HOXC4: variants seen among roughly 807,000 people sequenced by gnomAD.
HOXC4 encodes homeobox C4.
HOXC4 carries 15 observed loss-of-function variants against 25.5 expected under a neutral mutation model. That is an observed-to-expected ratio of 0.59 (90% CI 0.39 to 0.91). The LOEUF (loss-of-function observed/expected upper bound fraction) is 0.91, where lower values mean the gene tolerates loss of function less well. Ranked by LOEUF, HOXC4 falls within the 40% of genes least tolerant of loss-of-function variation. HOXC4 has a pLI of 0.00. For synonymous variants in HOXC4, 165 were observed against 148.0 expected, an observed-to-expected ratio of 1.11 and a Z score of -0.83; for missense variants, 342 against 352.4, an observed-to-expected ratio of 0.97 and a Z score of 0.24.
chr12:54,022,161 C>G (rs1399336120), intron 1 of HOXC4: 1 of 152,140 alleles, frequency 6.6e-6, no homozygotes, highest in Non-Finnish European at 1.5e-5. Flanking sequence ...AGCCCACCCC[C>G]ATCAACCCAG....
upstream of HOXC4, among the ~76,000 whole-genome samples, chr12:54,049,697 C>T (rs547370965): frequency 6.0e-5 from 9 of 149,938 alleles, no homozygotes; most frequent in Non-Finnish European, 1.3e-4. Flanking sequence ...TTTGCATATT[C>T]TTTTGCATAC....
intron 1 of HOXC4, among the ~76,000 whole-genome samples, chr12:54,027,384 A>C (rs1221094522): frequency 6.6e-6 from 1 of 152,166 alleles, no homozygotes; most frequent in Non-Finnish European, 1.5e-5. Flanking sequence ...TGACCAAGGC[A>C]GGGGCTTGAG....
intron 1 of HOXC4, among the ~76,000 whole-genome samples, chr12:54,041,053 A>G (rs996186163): frequency 2.0e-5 from 3 of 152,240 alleles, no homozygotes; most frequent in African/African-American, 7.2e-5. Flanking sequence ...ACAGGATATA[A>G]TAATAGTAAT....
At chr12:54,043,657 C>A (rs1043518166) in intron 1 of HOXC4, among the ~76,000 whole-genome samples, 1 of 139,102 alleles carries the variant, frequency 7.2e-6, no homozygotes, top group Non-Finnish European at 1.6e-5. Context: ...AAAACTCAAA[C>A]GCTAGAGCTG....
upstream of HOXC4, chr12:54,053,520 G>A (rs568252913): frequency 8.0e-4 from 153 of 190,396 alleles, no homozygotes; most frequent in African/African-American, 3.5e-3. Flanking sequence ...GGGCCCAGCA[G>A]AGGCCTGAGG....
upstream of HOXC4, among the ~76,000 whole-genome samples, chr12:54,049,746 A>T (rs1043650238): frequency 6.2e-5 from 4 of 64,524 alleles, no homozygotes; most frequent in African/African-American, 2.6e-4. Context: ...GGACAAACAC[A>T]TACACACACA....
At chr12:54,028,575 G>A in intron 1 of HOXC4, 1 of 1,614,038 alleles carries the variant, frequency 6.2e-7, no homozygotes, top group East Asian at 2.2e-5. Context: ...CCGGGGGCCA[G>A]GACGTCCTCC....
At position 54,023,080 on chromosome 12, in the gene HOXC4, C is replaced by G. The variant is rs140525985; in HGVS notation, c.-124+5666C>G. 8.8e-3 allele frequency among the ~76,000 whole-genome samples: 1,341 copies of G among 152,304 alleles called. 26 individuals carry two copies. Among genetic ancestry groups the G allele is most frequent in the African/African-American group, 0.03 (1,254 of 41,562 alleles). On this transcript the variant is annotated intron_variant, in intron 1 of 3. Coordinates refer to the HOXC4 transcript ENST00000303406. ...TCAAGTGTCCCTAGGCATCTAAGCT[C>G]TCTCCCCATTCCCAGATCACAGAGA... is the stretch of plus-strand genomic sequence containing the variant.
rs11362454 is a variant in HOXC4, at chr12:54,055,747, T to TG, written c.*551dup. 271 of 149,548 alleles carry TG rather than the reference T, an allele frequency of 1.8e-3. 2 individuals are homozygous for TG. Among genetic ancestry groups the TG allele is most frequent in the South Asian group, 0.014 (65 of 4,650 alleles). 9.3% of individuals were successfully genotyped at this position (149,548 alleles called of 1,614,324 possible). A position where few individuals can be genotyped will look rare whatever the true frequency, so the allele number is the denominator to read the frequency against. ...CTATGAAGTTCTTTTGTATTATTGT[T>TG]GGGGGGGGGTGTGGGAGGAGAGGGG... On this transcript the variant is annotated 3_prime_UTR_variant, in exon 2 of 2. Transcript: ENST00000430889.
intron 1 of HOXC4, chr12:54,035,199 T>A (rs1040723953): frequency 2.0e-5 from 3 of 153,334 alleles, no homozygotes; most frequent in African/African-American, 7.2e-5. Flanking sequence ...TTCCTGGCAC[T>A]GGACCCCAGC....
Position 54,055,310 on chromosome 12 carries a change from A to ATATG in HOXC4, c.*107_*108insTGTA. The ATATG allele has an allele frequency of 3.7e-6, 1 of 271,468 alleles. No individual in the cohort carries two copies. Among genetic ancestry groups the ATATG allele is most frequent in the South Asian group, 1.8e-4 (1 of 5,606 alleles). 16.8% of individuals were successfully genotyped at this position (271,468 alleles called of 1,614,324 possible). ...AATATATATATATATATATATATAT[A>ATATG]TAGGTTCTTTTCTCTCTTCCTCTCA... On this transcript the variant is annotated 3_prime_UTR_variant, in exon 2 of 2. Transcript: ENST00000430889.
chr12:54,027,106 T>C (rs1361065098), intron 1 of HOXC4, among the ~76,000 whole-genome samples: 1 of 152,240 alleles, frequency 6.6e-6, no homozygotes, highest in African/African-American at 2.4e-5. Context: ...CTGCACACTT[T>C]CCGCTGTTTC....
intron 1 of HOXC4, chr12:54,021,333 G>C (rs1022914476): frequency 1.3e-5 from 2 of 152,302 alleles, no homozygotes; most frequent in Admixed American, 1.3e-4. Flanking sequence ...TCTGAGCCAG[G>C]ACAAGACCTG....
Position 54,054,324 on chromosome 12 carries a change from A to T in HOXC4, c.402A>T (p.Ile134=). The change falls in exon 1 of 2, where the codon ATA becomes ATT. Residue 134 remains isoleucine, a synonymous_variant. Transcript: ENST00000430889. The part of the protein sequence containing the change: ...HPSSAASKQP[I]VYPWMKKIHV... ...CCAGCGCCGCCAGCAAGCAACCCAT[A>T]GTCTACCCATGGATGAAAAAAATTC... 4 of 1,597,704 alleles carry T rather than the reference A, an allele frequency of 2.5e-6. No individual in the cohort carries two copies. Among genetic ancestry groups the T allele is most frequent in the Non-Finnish European group, 3.4e-6 (4 of 1,173,192 alleles).
intron 1 of HOXC4, chr12:54,021,771 G>GCGC (rs1233889894): frequency 2.0e-5 from 3 of 152,356 alleles, no homozygotes; most frequent in Admixed American, 6.5e-5. Flanking sequence ...CTCTGCCACG[G>GCGC]CGCCGCAGCC....
chr12:54,023,822 C>T (rs1940559040), intron 1 of HOXC4, among the ~76,000 whole-genome samples: 1 of 152,122 alleles, frequency 6.6e-6, no homozygotes, highest in Admixed American at 6.5e-5. Context: ...GACAGCTTCC[C>T]CCATCATATC....
intron 1 of HOXC4, among the ~76,000 whole-genome samples, chr12:54,027,920 G>A (rs1940797123): frequency 6.6e-6 from 1 of 151,500 alleles, no homozygotes; most frequent in Non-Finnish European, 1.5e-5. Context: ...TTTAATTATT[G>A]GTGAAAAAAA....
intron 1 of HOXC4, chr12:54,034,171 G>T: frequency 9.0e-7 from 1 of 1,106,404 alleles, no homozygotes; most frequent in Admixed American, 1.7e-5. Flanking sequence ...TGCGGCTCTC[G>T]CCTCCTCTCC....
intron 1 of HOXC4, among the ~76,000 whole-genome samples, chr12:54,024,847 G>T (rs536616716): frequency 1.3e-5 from 2 of 152,236 alleles, no homozygotes; most frequent in South Asian, 2.1e-4. Flanking sequence ...GGTCCAAGGC[G>T]CAGGCAGTAA....
Sources: gnomAD v4.1 joint callset for allele counts (sites outside exome capture counted in the v4.1 genomes callset) on GRCh38, gnomAD v4.1.1 for gene constraint, MANE v1.5 for transcripts, NCBI Gene and HGNC (gene_info 2026-07-23, HGNC 2026-07-21) for gene names.